POLM: variants seen among roughly 807,000 people sequenced by gnomAD.
POLM encodes the protein DNA polymerase mu.
A neutral mutation model predicts 56.7 loss-of-function variants in POLM; 52 were observed. That is an observed-to-expected ratio of 0.92 (90% CI 0.73 to 1.15). The LOEUF (loss-of-function observed/expected upper bound fraction) is 1.15. Among genes scored for constraint, POLM ranks in the 50% most tolerant of loss-of-function variants. The pLI, the probability that POLM is intolerant of heterozygous loss-of-function variation, is 0.00. For missense variants in POLM, 660 were observed against 663.6 expected, an observed-to-expected ratio of 0.99 and a Z score of 0.06; for synonymous variants, 273 against 274.3, an observed-to-expected ratio of 1.00 and a Z score of 0.05.
rs763084628 is a variant in POLM, at chr7:44,073,995, TGTGCTG to T, written c.1096_1101del (p.Gln366_His367del). 6.2e-7 allele frequency: 1 copy of T among 1,614,118 alleles called. No individual in the cohort carries two copies. The highest frequency in any genetic ancestry group is 8.5e-7 in the Non-Finnish European group (1 of 1,180,026). Reference sequence around the variant, plus strand: ...AGGCGGGTAGGGGACTCACAGCAGCTGTGCTGGTGCTGGTGGTACAGGATGAGGCCC... The same window carrying T: ...AGGCGGGTAGGGGACTCACAGCAGCTGTGCTGGTGGTACAGGATGAGGCCC... On this transcript the variant is annotated inframe_deletion, in exon 9 of 11. Transcript: ENST00000242248.
Position 44,076,494 on chromosome 7 carries a change from C to T in POLM, c.835+15G>A, listed in dbSNP as rs771686999. 1 of 1,613,732 alleles carries T rather than the reference C, an allele frequency of 6.2e-7. No homozygotes were observed. Among genetic ancestry groups the T allele is most frequent in the Non-Finnish European group, 8.5e-7 (1 of 1,179,920 alleles). ...TTTAGGGAAGCCCAGGGCCCAGCCTCTCTGGAGGGCTCACCCGCTTTCTGC... is the reference window on the plus strand; with the variant it reads ...TTTAGGGAAGCCCAGGGCCCAGCCTTTCTGGAGGGCTCACCCGCTTTCTGC... On this transcript the variant is annotated intron_variant, in intron 6 of 10. Transcript: ENST00000242248.
At chr7:44,080,019 C>T (rs529236119) in intron 2 of POLM, 60 bp from the exon 3 acceptor site, 20 of 1,245,122 alleles carry the variant, frequency 1.6e-5, no homozygotes, top group Admixed American at 1.3e-4. Context: ...AGAGCCAGGC[C>T]GTACTCAGGC....
rs528738415 is a variant in POLM, at chr7:44,072,978, C to G, written c.*313G>C. 26 of 812,612 alleles carry G rather than the reference C, an allele frequency of 3.2e-5. No individual in the cohort carries two copies. The African/African-American group carries it at 4.3e-4, about 13-fold the overall frequency. 50.3% of individuals were successfully genotyped at this position (812,612 alleles called of 1,614,324 possible). ...TTGCCATTCATGACTGCAGGCCCCA[C>G]CACAGCTCCACGATGTGGGCCCCAC... On this transcript the variant is annotated 3_prime_UTR_variant, in exon 11 of 11. Coordinates refer to ENST00000242248, the MANE Select transcript of POLM (RefSeq NM_013284.4).
At chr7:44,078,524 TTC>T (rs2096190000) in intron 5 of POLM, 1 of 568,402 alleles carries the variant, frequency 1.8e-6, no homozygotes, top group African/African-American at 1.9e-5. Context: ...ATCTAGAAAA[TTC>T]TGTCCTCAAA....
intron 1 of POLM, among the ~76,000 whole-genome samples, chr7:44,081,614 A>C (rs903133361): frequency 1.3e-5 from 2 of 152,150 alleles, no homozygotes; most frequent in African/African-American, 4.8e-5. Context: ...CCTTCCTACA[A>C]GAGCTTCTCA....
rs1349011602 is a variant in POLM, at chr7:44,080,808, C to T, written c.297G>A (p.Leu99=). The change falls in exon 2 of 11, where the codon CTG becomes CTA. Residue 99 remains leucine (L), a synonymous_variant. Coordinates refer to ENST00000242248, the MANE Select transcript of POLM (RefSeq NM_013284.4). ...AAPPGCTPPA[L]LDISWLTESL... is the part of the protein sequence containing the mutation. Reference sequence around the variant, plus strand: ...TCTCTGTTAACCAGCTTATGTCCAGCAGAGCTGGGGGGGTGCAACCCGGGG... The same window carrying T: ...TCTCTGTTAACCAGCTTATGTCCAGTAGAGCTGGGGGGGTGCAACCCGGGG... 1.2e-6 allele frequency: 2 copies of T among 1,613,936 alleles called. No individual in the cohort carries two copies. Among genetic ancestry groups the T allele is most frequent in the East Asian group, 4.5e-5 (2 of 44,886 alleles).
chr7:44,080,492 C>A (rs1384430422), intron 2 of POLM: 6 of 685,198 alleles, frequency 8.8e-6, no homozygotes, highest in Admixed American at 6.1e-5. Context: ...TAAAAATAAG[C>A]AGACCCCAGA....
chr7:44,080,727 G>C lies in POLM; in HGVS notation c.372+6C>G, dbSNP rs1374866551. ...AGCCCCCACTTTAGTCTTCCACCCA[G>C]CTCACCTCCAGGCGGTGCCGGCACT... On this transcript the variant is annotated splice_donor_region_variant and intron_variant, in intron 2 of 10. Coordinates refer to ENST00000242248, the MANE Select transcript of POLM (RefSeq NM_013284.4). 6.2e-7 allele frequency: 1 copy of C among 1,613,616 alleles called. No individual in the cohort carries two copies. Among genetic ancestry groups the C allele is most frequent in the South Asian group, 1.1e-5 (1 of 91,064 alleles).
rs758606353 is a variant in POLM at position 44,074,227 on chromosome 7, C to A, written c.975G>T (p.Lys325Asn). ...GGAAGTCCACGTCATGGCCCTGCAA[C>A]TTCCCCCTGAGGGCGTCAGTCTGAC... The part of the protein sequence containing the change: ...VTLTGGFRRG[K>N]LQGHDVDFLI... Residue 325 changes from lysine (K) to asparagine (N), a missense_variant, in exon 8 of 11, where the codon AAG (lysine) becomes AAT (asparagine). Lys to Asn is a moderately conservative substitution (Grantham distance 94). Coordinates refer to ENST00000242248, the MANE Select transcript of POLM (RefSeq NM_013284.4). 17 of 1,579,132 alleles carry A rather than the reference C, an allele frequency of 1.1e-5. No homozygotes were observed. Among genetic ancestry groups the A allele is most frequent in the Non-Finnish European group, 1.5e-5 (17 of 1,161,970 alleles).
At chr7:44,075,175 C>T (rs2096180155) in intron 6 of POLM, among the ~76,000 whole-genome samples, 1 of 152,188 alleles carries the variant, frequency 6.6e-6, no homozygotes, top group Non-Finnish European at 1.5e-5. Context: ...CTCAGCCTCC[C>T]GAGTAGCTGA....
chr7:44,078,453 G>A (rs559375079), intron 5 of POLM: 34 of 425,980 alleles, frequency 8.0e-5, no homozygotes, highest in Middle Eastern at 6.6e-4. Flanking sequence ...GCGACAGAGC[G>A]AGACCCTGTC....
At chr7:44,075,218 T>G (rs1041629641) in intron 6 of POLM, among the ~76,000 whole-genome samples, 3 of 152,200 alleles carry the variant, frequency 2.0e-5, no homozygotes, top group African/African-American at 7.2e-5. Flanking sequence ...ACCCAGCTAA[T>G]TTTTTATTTT....
intron 4 of POLM, among the ~76,000 whole-genome samples, chr7:44,079,276 T>G (rs1387322298): frequency 1.3e-5 from 2 of 152,204 alleles, no homozygotes; most frequent in African/African-American, 4.8e-5. Flanking sequence ...GGTGCTCTCT[T>G]TCATTCCACT....
At chr7:44,079,495 G>C in intron 4 of POLM, 76 bp downstream of exon 4, 1 of 1,432,078 alleles carries the variant, frequency 7.0e-7, no homozygotes, top group Non-Finnish European at 9.7e-7. Flanking sequence ...CACCCCCACA[G>C]CACCCTCTGC....
At position 44,074,506 on chromosome 7, in the gene POLM, C is replaced by G. The variant is rs1318557237; in HGVS notation, c.860G>C (p.Ser287Thr). The change falls in exon 7 of 11, where the codon AGC (serine) becomes ACC (threonine). Residue 287 changes from serine to threonine, a missense_variant. By Grantham distance (58) the Ser-to-Thr change is moderately conservative (BLOSUM62 1). Transcript: ENST00000242248. Reference protein sequence around the residue: ...KAGLQHHQDLSTPVLRSDVDA... With the variant: ...KAGLQHHQDLTTPVLRSDVDA... Reference sequence around the variant, plus strand: ...TACATCGGACCGCAGGACTGGGGTGCTCAGGTCCTGGTGGTGCTGGAGCCC... The same window carrying G: ...TACATCGGACCGCAGGACTGGGGTGGTCAGGTCCTGGTGGTGCTGGAGCCC... 6.3e-7 allele frequency: 1 copy of G among 1,595,176 alleles called. No individual in the cohort carries two copies. Among genetic ancestry groups the G allele is most frequent in the African/African-American group, 1.3e-5 (1 of 74,746 alleles).
At chr7:44,073,757 A>G in intron 9 of POLM, 26 bp downstream of exon 9, 1 of 1,613,848 alleles carries the variant, frequency 6.2e-7, no homozygotes, top group Non-Finnish European at 8.5e-7. Context: ...CCCCACCCCC[A>G]GGCGGCCCAG....
In POLM at chr7:44,074,518, T is replaced by G; in HGVS notation, c.848A>C (p.His283Pro). 1 of 1,585,784 alleles carries G rather than the reference T, an allele frequency of 6.3e-7. No individual in the cohort carries two copies. The highest frequency in any genetic ancestry group is 8.6e-7 in the Non-Finnish European group (1 of 1,164,462). Reference protein sequence around the residue: ...TQQQKAGLQHHQDLSTPVLRS... With the variant: ...TQQQKAGLQHPQDLSTPVLRS... ...CAGGACTGGGGTGCTCAGGTCCTGGTGGTGCTGGAGCCCTGGGGGCAACAC... is the reference window on the plus strand; with the variant it reads ...CAGGACTGGGGTGCTCAGGTCCTGGGGGTGCTGGAGCCCTGGGGGCAACAC... Residue 283 changes from histidine (H) to proline (P), a missense_variant, in exon 7 of 11, where the codon CAC becomes CCC. Coordinates refer to ENST00000242248, the MANE Select transcript of POLM (RefSeq NM_013284.4).
At chr7:44,079,825 C>A (rs779108710) in intron 3 of POLM, 36 bp downstream of exon 3, 4 of 1,612,250 alleles carry the variant, frequency 2.5e-6, no homozygotes, top group Admixed American at 1.7e-5. Flanking sequence ...TGTCCCCAAC[C>A]CCCAGGGCTG....
At chr7:44,080,689 G>A (rs1159705563) in intron 2 of POLM, 44 bp downstream of exon 2, 1 of 1,584,712 alleles carries the variant, frequency 6.3e-7, no homozygotes, top group South Asian at 1.1e-5. Flanking sequence ...GCCTACACTG[G>A]GGCTTTCACT....
Sources: gnomAD v4.1 joint callset for allele counts (sites outside exome capture counted in the v4.1 genomes callset) on GRCh38, gnomAD v4.1.1 for gene constraint, MANE v1.5 for transcripts, NCBI Gene and HGNC (gene_info 2026-07-23, HGNC 2026-07-21) for gene names.